The following VASH2 variants were observed in gnomAD, a reference collection of about 807,000 sequenced individuals.
VASH2 encodes the protein tubulinyl-Tyr carboxypeptidase 2.
A neutral mutation model predicts 37.2 loss-of-function variants in VASH2; 28 were observed. That is an observed-to-expected ratio of 0.75 (90% confidence interval 0.56 to 1.03). The LOEUF (loss-of-function observed/expected upper bound fraction) is 1.03, where lower values mean the gene tolerates loss of function less well. VASH2 is among the 50% of genes least tolerant of loss of function. The pLI is 0.00. For synonymous variants in VASH2, 188 were observed against 174.7 expected, an observed-to-expected ratio of 1.08 and a Z score of -0.60; for missense variants, 419 against 459.1, an observed-to-expected ratio of 0.91 and a Z score of 0.80.
At chr1:212,953,120 G>GA (rs34227636) in intron 2 of VASH2, among the ~76,000 whole-genome samples, 1 of 151,914 alleles carries the variant, frequency 6.6e-6, no homozygotes, top group Non-Finnish European at 1.5e-5. Flanking sequence ...TGACCACAAG[G>GA]AAAAAAACGC....
chr1:212,962,026 T>C (rs1402712685), intron 3 of VASH2, among the ~76,000 whole-genome samples: 1 of 152,228 alleles, frequency 6.6e-6, no homozygotes, highest in Non-Finnish European at 1.5e-5. Context: ...TCTCCCCAGG[T>C]GACCCAGGCT....
intron 2 of VASH2, chr1:212,952,904 T>A (rs1480182581): frequency 6.6e-6 from 1 of 152,274 alleles, no homozygotes; most frequent in Non-Finnish European, 1.5e-5. Context: ...AACTTCCTGC[T>A]GCAGTCAGTT....
At position 212,951,743 on chromosome 1, in the gene VASH2, G is replaced by A; in HGVS notation, c.201G>A (p.Trp67Ter). 1 of 1,608,090 alleles carries A rather than the reference G, an allele frequency of 6.2e-7. No homozygotes were observed. The highest frequency in any genetic ancestry group is 1.1e-5 in the South Asian group (1 of 89,132). Residue 67 changes from tryptophan (W) to a stop codon, truncating the protein, a stop_gained, in exon 2 of 8, where the codon TGG becomes TGA. Coordinates refer to ENST00000517399, the MANE Select transcript of VASH2 (RefSeq NM_001301056.2). LOFTEE classifies it high-confidence loss of function. The surrounding 1 kb of genome is among the most constrained non-coding windows in gnomAD (Gnocchi z 4.4). ...PIDSHTWERMWMHVAKVHPKG... is the reference protein window; with the variant it reads ...PIDSHTWERM ...ACAGCCACACCTGGGAGCGCATGTG[G>A]ATGCACGTGGCCAAGGTGCACCCTA...
chr1:212,969,608 C>T (rs1666950414), intron 5 of VASH2, among the ~76,000 whole-genome samples: 1 of 152,174 alleles, frequency 6.6e-6, no homozygotes, highest in Non-Finnish European at 1.5e-5. Flanking sequence ...ACCATGTTGA[C>T]CAGGCTGATC....
At chr1:212,966,189 C>T in intron 4 of VASH2, 82 bp from the exon 5 acceptor site, 1 of 1,228,980 alleles carries the variant, frequency 8.1e-7, no homozygotes, top group Non-Finnish European at 1.2e-6. Flanking sequence ...GGTGTGGGGA[C>T]AGGCATGCTG....
chr1:212,961,807 T>C (rs915665583), intron 3 of VASH2, among the ~76,000 whole-genome samples: 1 of 152,236 alleles, frequency 6.6e-6, no homozygotes, highest in African/African-American at 2.4e-5. Context: ...TTCACCATGT[T>C]AGTCAGGCTG....
chr1:212,952,925 A>G (rs575496997), intron 2 of VASH2: 4 of 152,190 alleles, frequency 2.6e-5, no homozygotes, highest in African/African-American at 7.2e-5. Context: ...ACAGTGTTCT[A>G]TTACTCTGCT....
intron 2 of VASH2, among the ~76,000 whole-genome samples, chr1:212,953,812 C>T (rs575070187): frequency 7.8e-4 from 119 of 152,322 alleles, no homozygotes; most frequent in African/African-American, 2.8e-3. Context: ...GTCTGCTAGA[C>T]TATGAGCCCT....
intron 7 of VASH2, among the ~76,000 whole-genome samples, chr1:212,981,515 T>A (rs1667338449): frequency 6.6e-6 from 1 of 152,208 alleles, no homozygotes; most frequent in African/African-American, 2.4e-5. Flanking sequence ...AGGGTGGCCC[T>A]GGGGTCTTTG....
chr1:212,960,828 G>T (rs975273236), intron 2 of VASH2, among the ~76,000 whole-genome samples: 1 of 152,198 alleles, frequency 6.6e-6, no homozygotes, highest in Non-Finnish European at 1.5e-5. Context: ...GGCCAGGCTC[G>T]GTGGGGGGAC....
rs1006581559 is a variant in VASH2, at chr1:212,966,082, G to A, written c.423-189G>A. The A allele has an allele frequency of 8.1e-6, 5 of 615,318 alleles. No individual in the cohort carries two copies. In the Admixed American group the frequency reaches 1.1e-4, roughly 14 times the overall value. 38.1% of individuals were successfully genotyped at this position (615,318 alleles called of 1,614,324 possible). A position where few individuals can be genotyped will look rare whatever the true frequency, so the allele number is the denominator to read the frequency against. On this transcript the variant is annotated intron_variant, in intron 4 of 7. Transcript: ENST00000517399. Reference sequence around the variant, plus strand: ...GCTGGGGCATTGGGAGGGTGCTATGGAGTACTGGCACTAACTCCAGGAATT... The same window carrying A: ...GCTGGGGCATTGGGAGGGTGCTATGAAGTACTGGCACTAACTCCAGGAATT...
At chr1:212,972,420 C>T (rs914053760) in intron 5 of VASH2, among the ~76,000 whole-genome samples, 160 bp from the exon 6 acceptor site, 1 of 152,152 alleles carries the variant, frequency 6.6e-6, no homozygotes, top group South Asian at 2.1e-4. Context: ...ACATAACAAG[C>T]GAATCCTTTA....
At chr1:212,975,504 C>T (rs1463316084) in intron 7 of VASH2, among the ~76,000 whole-genome samples, 2 of 152,212 alleles carry the variant, frequency 1.3e-5, no homozygotes, top group East Asian at 3.9e-4. Flanking sequence ...CCTCCTGACC[C>T]CAATCCTCCC....
chr1:212,988,495 C>T lies in VASH2; in HGVS notation c.996-17C>T. 2 of 1,613,798 alleles carry T rather than the reference C, an allele frequency of 1.2e-6. No individual in the cohort carries two copies. Among genetic ancestry groups the T allele is most frequent in the Non-Finnish European group, 1.7e-6 (2 of 1,179,774 alleles). On this transcript the variant is annotated splice_polypyrimidine_tract_variant and intron_variant, in intron 7 of 7. Transcript: ENST00000517399. ...CCATCCCCTCTCCTCCACCATATTT[C>T]TGTCTTTTACCCTTAGGCCTGCACT...
chr1:212,976,176 T>C (rs897152537), intron 7 of VASH2, among the ~76,000 whole-genome samples: 10 of 152,074 alleles, frequency 6.6e-5, no homozygotes, highest in African/African-American at 2.4e-4. Flanking sequence ...CTGCTAAAAA[T>C]GCAGACCTGG....
chr1:212,961,309 C>T (rs3738804), intron 3 of VASH2, 55 bp downstream of exon 3: 54,900 of 1,611,774 alleles, frequency 0.034, 1,594 homozygotes, highest in African/African-American at 0.15. Context: ...GCATGGTGAT[C>T]GCAAGCCTGG....
chr1:212,962,441 A>G (rs1387389118), intron 3 of VASH2, among the ~76,000 whole-genome samples: 3 of 152,148 alleles, frequency 2.0e-5, no homozygotes, highest in Non-Finnish European at 2.9e-5. Flanking sequence ...TTGTCTGTCC[A>G]TACCCAGCCC....
At chr1:212,972,022 G>C (rs10746440) in intron 5 of VASH2, among the ~76,000 whole-genome samples, 54,811 of 152,076 alleles carry the variant, frequency 0.36, 11,535 homozygotes, top group East Asian at 0.48. Flanking sequence ...GATGATCCCA[G>C]GCTTGGTGCT....
At chr1:212,957,255 G>C (rs748405166) in intron 2 of VASH2, among the ~76,000 whole-genome samples, 4 of 152,120 alleles carry the variant, frequency 2.6e-5, no homozygotes, top group Non-Finnish European at 4.4e-5. Flanking sequence ...CGTATATTCC[G>C]TGGTGCGCCA....
Sources: allele counts gnomAD v4.1 joint callset (sites outside exome capture counted in the v4.1 genomes callset), GRCh38; gene constraint gnomAD v4.1.1; non-coding constraint Gnocchi (gnomAD v3.1); transcripts MANE v1.5; gene names NCBI Gene and HGNC (gene_info 2026-07-23, HGNC 2026-07-21).